STK3: variants seen among roughly 807,000 people sequenced by gnomAD.
STK3 encodes serine/threonine kinase 3.
In STK3, 41 loss-of-function variants were observed where a neutral mutation model predicts 58.0. The observed-to-expected ratio is 0.71, with a 90% CI of 0.55 to 0.92. STK3 has a LOEUF of 0.92. Ranked by LOEUF, STK3 falls within the 40% of genes least tolerant of loss-of-function variation. The pLI is 0.00. For missense variants in STK3, 479 were observed against 602.7 expected (o/e 0.79, Z 2.15); for synonymous variants, 170 against 191.0 (o/e 0.89, Z 0.91).
Position 98,383,951 on chromosome 8 carries a change from A to T in STK3, n.56+4241T>A, listed in dbSNP as rs567514583. Among the ~76,000 whole-genome samples, 2 of 152,338 alleles carry T rather than the reference A, an allele frequency of 1.3e-5. 1 individual carries two copies. The highest frequency in any genetic ancestry group is 4.1e-4 in the South Asian group (2 of 4,822). On this transcript the variant is annotated intron_variant and non_coding_transcript_variant, in intron 1 of 2. Coordinates refer to the STK3 transcript ENST00000518704. ...GTATTAATGAGATGCTCTAAGATGG[A>T]TTCTCCTCCCACATATCCAGGTGAG...
At chr8:98,865,426 C>T (rs1488573155) in intron 3 of STK3, among the ~76,000 whole-genome samples, 1 of 151,900 alleles carries the variant, frequency 6.6e-6, no homozygotes, top group Non-Finnish European at 1.5e-5. Flanking sequence ...GGCTGGAGTG[C>T]AATGGCATGA....
intron 9 of STK3, among the ~76,000 whole-genome samples, chr8:98,539,132 AT>A (rs1810021963): frequency 6.6e-6 from 1 of 152,226 alleles, no homozygotes; most frequent in Non-Finnish European, 1.5e-5. Flanking sequence ...CTTGCCAATT[AT>A]TTCTTGGCAT....
chr8:98,490,285 A>C (rs1363159255), intron 10 of STK3, among the ~76,000 whole-genome samples: 1 of 152,194 alleles, frequency 6.6e-6, no homozygotes, highest in Non-Finnish European at 1.5e-5. Context: ...CATAAGTGTT[A>C]GTTGATTATC....
At chr8:98,504,049 G>T (rs569322757) in intron 10 of STK3, among the ~76,000 whole-genome samples, 4 of 152,270 alleles carry the variant, frequency 2.6e-5, no homozygotes, top group African/African-American at 9.6e-5. Context: ...CTAAGGACTT[G>T]CTTTATGAAT....
chr8:98,542,511 G>A (rs930964403), intron 9 of STK3, among the ~76,000 whole-genome samples: 1 of 152,156 alleles, frequency 6.6e-6, no homozygotes, highest in Non-Finnish European at 1.5e-5. Context: ...AAAAAAAAGA[G>A]AGATGGAGCA....
intron 7 of STK3, among the ~76,000 whole-genome samples, chr8:98,592,907 A>T (rs188805576): frequency 7.9e-5 from 12 of 151,916 alleles, no homozygotes; most frequent in Non-Finnish European, 1.5e-4. Flanking sequence ...GGGACTACAG[A>T]CGTGCACCAC....
At chr8:98,613,291 A>T (rs1817343333) in intron 6 of STK3, among the ~76,000 whole-genome samples, 1 of 152,202 alleles carries the variant, frequency 6.6e-6, no homozygotes, top group African/African-American at 2.4e-5. Context: ...TATAATGGGG[A>T]AATAGGTCCT....
intron 1 of STK3, chr8:98,438,892 A>G (rs1312036790): frequency 2.0e-5 from 3 of 152,462 alleles, no homozygotes; most frequent in Non-Finnish European, 4.4e-5. Context: ...GTGTCTGTGC[A>G]TCTGTGTGTG....
intron 2 of STK3, among the ~76,000 whole-genome samples, chr8:98,436,346 C>T (rs547794513): frequency 9.2e-5 from 14 of 151,422 alleles, no homozygotes; most frequent in Admixed American, 3.9e-4. Context: ...GTCTCCTGCC[C>T]GACGCCCTCA....
intron 4 of STK3, among the ~76,000 whole-genome samples, chr8:98,717,446 A>C (rs1358791323): frequency 6.6e-6 from 1 of 152,154 alleles, no homozygotes; most frequent in African/African-American, 2.4e-5. Context: ...CATAAGACAA[A>C]TATAAATCAA....
rs556114461 is a variant in STK3, at chr8:98,373,666, C to T, written n.112-1988G>A. Among the ~76,000 whole-genome samples the T allele has an allele frequency of 5.3e-5, 8 of 152,332 alleles. No individual in the cohort carries two copies. The East Asian group carries it at 1.5e-3, about 29-fold the overall frequency. On this transcript the variant is annotated intron_variant and non_coding_transcript_variant, in intron 2 of 2. Coordinates refer to the STK3 transcript ENST00000518704. ...ACCATGTCGCTTCACCATGCTGCCT[C>T]ACCGCTGGAGGAAGGTGGTAGAAAT...
intron 4 of STK3, among the ~76,000 whole-genome samples, chr8:98,710,513 G>T (rs560847455): frequency 3.0e-4 from 46 of 152,356 alleles, no homozygotes; most frequent in African/African-American, 1.1e-3. Context: ...CTGGCTTGGA[G>T]GGTCCTACAC....
chr8:98,862,130 C>G (rs1836958815), intron 3 of STK3, among the ~76,000 whole-genome samples: 1 of 152,030 alleles, frequency 6.6e-6, no homozygotes, highest in African/African-American at 2.4e-5. Context: ...AAGATGAGAT[C>G]ATTAGGAGAA....
intron 6 of STK3, among the ~76,000 whole-genome samples, chr8:98,680,455 C>T (rs1475528100): frequency 6.6e-6 from 1 of 152,144 alleles, no homozygotes; most frequent in East Asian, 1.9e-4. Flanking sequence ...TGGAAAATAA[C>T]AAAAGCCGAT....
the STK3 span, among the ~76,000 whole-genome samples, chr8:98,356,376 C>T: frequency 6.6e-6 from 1 of 152,186 alleles, no homozygotes; most frequent in African/African-American, 2.4e-5. Flanking sequence ...GTTTGGTGCT[C>T]ACACCAGACT....
chr8:98,850,500 G>A (rs1324074656), intron 3 of STK3, among the ~76,000 whole-genome samples: 1 of 152,140 alleles, frequency 6.6e-6, no homozygotes, highest in Admixed American at 6.5e-5. Flanking sequence ...CAAGCGCACA[G>A]CACAGACATC....
intron 8 of STK3, among the ~76,000 whole-genome samples, chr8:98,550,057 G>A (rs919341202): frequency 4.7e-5 from 7 of 150,500 alleles, no homozygotes; most frequent in East Asian, 1.9e-4. Flanking sequence ...ACTTGATTAC[G>A]CACGGAAATT....
At chr8:98,499,474 G>C (rs1823403533) in intron 10 of STK3, among the ~76,000 whole-genome samples, 1 of 152,200 alleles carries the variant, frequency 6.6e-6, no homozygotes, top group Non-Finnish European at 1.5e-5. Context: ...GCAGAGGCTA[G>C]AAGGAGTGGG....
chr8:98,870,328 C>T (rs1412436284), intron 3 of STK3, among the ~76,000 whole-genome samples: 2 of 152,160 alleles, frequency 1.3e-5, no homozygotes, highest in African/African-American at 4.8e-5. Flanking sequence ...TTTATAGCAG[C>T]ATGATTTATA....
Sources: gnomAD v4.1 joint callset for allele counts (sites outside exome capture counted in the v4.1 genomes callset) on GRCh38, gnomAD v4.1.1 for gene constraint, MANE v1.5 for transcripts, NCBI Gene and HGNC (gene_info 2026-07-23, HGNC 2026-07-21) for gene names.